The following SFXN5 variants were observed in gnomAD, a reference collection of about 807,000 sequenced individuals.
The protein encoded by SFXN5 is sideroflexin 5.
A neutral mutation model predicts 50.2 loss-of-function variants in SFXN5; 43 were observed. That is an observed-to-expected ratio of 0.86 (90% CI 0.67 to 1.11). SFXN5 has a LOEUF of 1.11. Among genes scored for constraint, SFXN5 ranks in the 50% least tolerant of loss-of-function variants. SFXN5 has a pLI of 0.00. For synonymous variants in SFXN5, 203 were observed against 185.8 expected (o/e 1.09, Z -0.75); for missense variants, 463 against 454.1 (o/e 1.02, Z -0.18).
In SFXN5 at chr2:72,971,553, C is replaced by T. The variant is rs190455354; in HGVS notation, c.741+17G>A. The T allele has an allele frequency of 1.3e-5, 21 of 1,602,772 alleles. No homozygotes were observed. The highest frequency in any genetic ancestry group is 1.5e-5 in the Non-Finnish European group (17 of 1,170,902). The stretch of plus-strand genomic sequence containing the variant: ...CCTGTTGCTGGCCTCCCCAACCCTG[C>T]GAACCCCCAGACCCACGTGTCGGGC... On this transcript the variant is annotated intron_variant, in intron 11 of 13. Coordinates refer to ENST00000272433, the MANE Select transcript of SFXN5 (RefSeq NM_144579.3).
intron 6 of SFXN5, among the ~76,000 whole-genome samples, chr2:73,013,406 CGTGTGTGTGTGTGT>C (rs61590375): frequency 2.5e-3 from 351 of 139,812 alleles, no homozygotes; most frequent in Non-Finnish European, 4.6e-3. Flanking sequence ...AGGGATATTT[CGTGTGTGTGTGTGT>C]GTGTGTGTGT....
intron 1 of SFXN5, among the ~76,000 whole-genome samples, chr2:73,066,946 G>C (rs1683222688): frequency 6.6e-6 from 1 of 152,222 alleles, no homozygotes; most frequent in African/African-American, 2.4e-5. Context: ...TCTGGAGGTA[G>C]AGGCCAGAGG....
In SFXN5 at chr2:72,950,165, C is replaced by CATT. The variant is rs1466025819; in HGVS notation, c.946-5067_946-5066insAAT. Among the ~76,000 whole-genome samples, 3 of 152,052 alleles carry CATT rather than the reference C, an allele frequency of 2.0e-5. No homozygotes were observed. The highest frequency in any genetic ancestry group is 7.2e-5 in the African/African-American group (3 of 41,390). ...GGAACAGGCACATTTGAAGGGCAAG[C>CATT]GGAGGGAACAAGCCTGTGATGGTGG... On this transcript the variant is annotated intron_variant, in intron 13 of 13. Transcript: ENST00000272433. The surrounding 1 kb of genome is among the most constrained non-coding windows in gnomAD (Gnocchi z 4.2).
At chr2:73,040,807 T>G (rs1679523589) in intron 3 of SFXN5, 47 bp downstream of exon 3, 2 of 1,490,794 alleles carry the variant, frequency 1.3e-6, no homozygotes, top group African/African-American at 1.4e-5. Context: ...ATTTCTCACT[T>G]TCCTTCCCTT....
intron 5 of SFXN5, 67 bp downstream of exon 5, chr2:73,022,455 C>T: frequency 1.6e-6 from 2 of 1,226,580 alleles, no homozygotes; most frequent in Non-Finnish European, 2.4e-6. Flanking sequence ...CATCTGGATG[C>T]TCCTGGAACT....
intron 2 of SFXN5, among the ~76,000 whole-genome samples, chr2:73,048,697 A>C (rs888386957): frequency 7.2e-5 from 11 of 152,222 alleles, no homozygotes; most frequent in Non-Finnish European, 1.6e-4. Flanking sequence ...TTCAATTGTT[A>C]GGGATGCTAA....
intron 3 of SFXN5, among the ~76,000 whole-genome samples, chr2:73,029,796 G>A (rs905469793): frequency 1.3e-5 from 2 of 152,234 alleles, no homozygotes; most frequent in East Asian, 3.8e-4. Flanking sequence ...AGCAGGCTGG[G>A]TGTGGTGGCT....
chr2:73,041,811 T>A (rs1037705950), intron 2 of SFXN5: 2 of 189,754 alleles, frequency 1.1e-5, no homozygotes, highest in Non-Finnish European at 2.3e-5. Flanking sequence ...CAAGTGATCC[T>A]CCCACCTCAG....
chr2:72,949,208 G>A (rs990733952), intron 13 of SFXN5, among the ~76,000 whole-genome samples: 4 of 152,216 alleles, frequency 2.6e-5, no homozygotes, highest in African/African-American at 9.7e-5. Flanking sequence ...AGGAAATGGA[G>A]GTGTGGCTGG....
Position 72,944,689 on chromosome 2 carries a change from C to A in SFXN5, c.*333G>T, listed in dbSNP as rs1671737668. ...ATAAAAAATAAAAATAAAAAAGGAACCAAAGTATAAAAGGATTCTACTTCT... is the reference window on the plus strand; with the variant it reads ...ATAAAAAATAAAAATAAAAAAGGAAACAAAGTATAAAAGGATTCTACTTCT... On this transcript the variant is annotated 3_prime_UTR_variant, in exon 14 of 14. Coordinates refer to ENST00000272433, the MANE Select transcript of SFXN5 (RefSeq NM_144579.3). 2 of 231,970 alleles carry A rather than the reference C, an allele frequency of 8.6e-6. No individual in the cohort carries two copies. Among genetic ancestry groups the A allele is most frequent in the East Asian group, 9.1e-5 (1 of 11,026 alleles). The allele number at this position is 231,970 out of a possible 1,614,324, so 14.4% of individuals were successfully genotyped here.
chr2:72,998,923 G>C (rs1167431463), intron 9 of SFXN5, 26 bp downstream of exon 9: 1 of 1,612,876 alleles, frequency 6.2e-7, no homozygotes, highest in Non-Finnish European at 8.5e-7. Context: ...GCAGAGCCAA[G>C]AAGGAGCAGG....
intron 12 of SFXN5, among the ~76,000 whole-genome samples, chr2:72,963,255 A>C (rs890419962): frequency 1.6e-4 from 25 of 152,148 alleles, no homozygotes; most frequent in African/African-American, 6.0e-4. Context: ...GAAGGGTGAG[A>C]AAAAGAAAGA....
At chr2:73,035,094 A>G (rs1276017641) in intron 3 of SFXN5, among the ~76,000 whole-genome samples, 2 of 152,176 alleles carry the variant, frequency 1.3e-5, no homozygotes, top group Non-Finnish European at 2.9e-5. Flanking sequence ...TGATACAGGT[A>G]CCTACTGACA....
intron 12 of SFXN5, among the ~76,000 whole-genome samples, chr2:72,967,763 C>A (rs912799379): frequency 6.6e-6 from 1 of 152,122 alleles, no homozygotes; most frequent in Admixed American, 6.5e-5. Flanking sequence ...CCCTCCCCTG[C>A]CCCCTGCCTT....
At position 73,071,694 on chromosome 2, in the gene SFXN5, T is replaced by TGTATCCGCC; in HGVS notation, c.3_11dup (p.Asp3_Ala5dup). 6.2e-6 allele frequency: 10 copies of TGTATCCGCC among 1,612,850 alleles called. No individual in the cohort carries two copies. Among genetic ancestry groups the TGTATCCGCC allele is most frequent in the Non-Finnish European group, 8.5e-6 (10 of 1,179,828 alleles). ...CCGCCGCCGCCGATGCTGTAGTCGC[T>TGTATCCGCC]GTATCCGCCATGGCCACTGACGCCC... On this transcript the variant is annotated inframe_insertion, in exon 1 of 14. Coordinates refer to ENST00000272433, the MANE Select transcript of SFXN5 (RefSeq NM_144579.3).
chr2:72,986,159 G>A (rs905455174), intron 10 of SFXN5, among the ~76,000 whole-genome samples: 25 of 152,344 alleles, frequency 1.6e-4, no homozygotes, highest in Admixed American at 7.8e-4. Flanking sequence ...AATGGCCCAC[G>A]ACAGAAATAG....
intron 1 of SFXN5, chr2:73,059,024 C>T (rs1682519711): frequency 2.1e-6 from 2 of 972,602 alleles, no homozygotes; most frequent in South Asian, 4.4e-5. Flanking sequence ...CAGGGTCCCT[C>T]CCCAAGGTCC....
intron 11 of SFXN5, 90 bp downstream of exon 11, chr2:72,971,480 G>T: frequency 1.1e-6 from 1 of 877,156 alleles, no homozygotes; most frequent in South Asian, 1.5e-5. Flanking sequence ...GGGTACCCTG[G>T]ATAGAAGCCT....
At chr2:73,016,577 T>C (rs1676174247) in intron 6 of SFXN5, among the ~76,000 whole-genome samples, 1 of 152,118 alleles carries the variant, frequency 6.6e-6, no homozygotes, top group Non-Finnish European at 1.5e-5. Context: ...TGGAGGTGCA[T>C]GCCTGTAATC....
Sources: gnomAD v4.1 joint callset for allele counts (sites outside exome capture counted in the v4.1 genomes callset) on GRCh38, gnomAD v4.1.1 for gene constraint, Gnocchi (gnomAD v3.1) non-coding constraint, MANE v1.5 for transcripts, NCBI Gene and HGNC (gene_info 2026-07-23, HGNC 2026-07-21) for gene names.